Variants in BACH2 observed in about 807,000 individuals in gnomAD.
BACH2 encodes BACH transcriptional regulator 2, also known as transcription regulator protein BACH2.
In BACH2, 5 loss-of-function variants were observed where a neutral mutation model predicts 61.8. That is an observed-to-expected ratio of 0.08 (90% CI 0.04 to 0.17). The LOEUF (loss-of-function observed/expected upper bound fraction) is 0.17. Among genes scored for constraint, BACH2 ranks in the 10% least tolerant of loss-of-function variants. BACH2 has a pLI of 1.00. For synonymous variants in BACH2, 446 were observed against 440.1 expected (o/e 1.01, Z -0.17); for missense variants, 824 against 1,091.1 (o/e 0.76, Z 3.45).
intron 7 of BACH2, among the ~76,000 whole-genome samples, chr6:89,939,656 C>CTTTTT (rs71298713): frequency 1.1e-4 from 9 of 82,626 alleles, no homozygotes; most frequent in African/African-American, 2.9e-4. Context: ...GCTTATATTT[C>CTTTTT]TTTTTTTTTT....
chr6:90,014,468 ATTTTTTTTTTT>A lies in BACH2; in HGVS notation c.-12-5623_-12-5613del, dbSNP rs1164045089. 3.5e-3 allele frequency among the ~76,000 whole-genome samples: 113 copies of A among 32,258 alleles called. 1 individual carries two copies. Among genetic ancestry groups the A allele is most frequent in the Non-Finnish European group, 3.4e-3 (71 of 21,142 alleles). The allele number at this position is 32,258 out of a possible 152,430, so 21.2% of individuals were successfully genotyped here. On this transcript the variant is annotated intron_variant, in intron 5 of 8. Transcript: ENST00000257749. The stretch of plus-strand genomic sequence containing the variant: ...TATATATATATATATATATATATAT[ATTTTTTTTTTT>A]TTTTTTTTTTTTTTAGACAGATTCT...
chr6:90,156,419 T>G (rs1335053693), intron 4 of BACH2, among the ~76,000 whole-genome samples: 1 of 152,188 alleles, frequency 6.6e-6, no homozygotes, highest in African/African-American at 2.4e-5. Context: ...TGCAAGTTTT[T>G]GGGTTACAAA....
intron 5 of BACH2, among the ~76,000 whole-genome samples, chr6:90,061,791 CT>C (rs2127798807): frequency 6.6e-6 from 1 of 152,214 alleles, no homozygotes; most frequent in East Asian, 1.9e-4. Context: ...GTGCTGGAAG[CT>C]ATTGAGAAGC....
intron 2 of BACH2, among the ~76,000 whole-genome samples, chr6:90,269,566 C>T (rs555368301): frequency 3.3e-5 from 5 of 152,302 alleles, no homozygotes; most frequent in African/African-American, 1.2e-4. Flanking sequence ...TAAGGAAATC[C>T]TGGATTCCCA....
intron 4 of BACH2, among the ~76,000 whole-genome samples, chr6:90,190,296 G>C (rs1440335008): frequency 2.0e-5 from 3 of 152,160 alleles, no homozygotes; most frequent in Admixed American, 6.5e-5. Flanking sequence ...TTCCAAATAG[G>C]AAAGTGCTAT....
chr6:90,204,042 C>T (rs1769051751), intron 4 of BACH2, among the ~76,000 whole-genome samples: 1 of 152,090 alleles, frequency 6.6e-6, no homozygotes, highest in Non-Finnish European at 1.5e-5. Flanking sequence ...GGGATGGTCT[C>T]TAATGGATTC....
In BACH2 at chr6:90,185,081, G is replaced by A. The variant is rs560494536; in HGVS notation, c.-162+21488C>T. 4.6e-5 allele frequency among the ~76,000 whole-genome samples: 7 copies of A among 152,296 alleles called. No homozygotes were observed. In the South Asian group the frequency reaches 6.2e-4, roughly 14 times the overall value. On this transcript the variant is annotated intron_variant, in intron 4 of 8. Transcript: ENST00000257749. ...TTTTCCAAAACCCATGCGTGGCTGCGTATCAGGAAGACTGCTATAAACAAA... is the reference window on the plus strand; with the variant it reads ...TTTTCCAAAACCCATGCGTGGCTGCATATCAGGAAGACTGCTATAAACAAA...
At chr6:89,934,924 C>T (rs1466044298) in intron 8 of BACH2, among the ~76,000 whole-genome samples, 7 of 151,970 alleles carry the variant, frequency 4.6e-5, no homozygotes, top group Admixed American at 1.3e-4. Flanking sequence ...TGGCAGGCGG[C>T]GTGGGCATGT....
At chr6:90,206,982 C>A (rs556346850) in intron 3 of BACH2, among the ~76,000 whole-genome samples, 68 of 152,160 alleles carry the variant, frequency 4.5e-4, no homozygotes, top group African/African-American at 1.6e-3. Context: ...CAATTCCCCC[C>A]AAACAGTCCA....
intron 4 of BACH2, among the ~76,000 whole-genome samples, chr6:90,195,321 A>G (rs1028801273): frequency 6.6e-6 from 1 of 152,188 alleles, no homozygotes; most frequent in Non-Finnish European, 1.5e-5. Context: ...GAGCAAGGAG[A>G]GCGAGCAGAG....
At chr6:90,251,460 A>T (rs1489636611) in intron 3 of BACH2, among the ~76,000 whole-genome samples, 1 of 152,216 alleles carries the variant, frequency 6.6e-6, no homozygotes, top group Non-Finnish European at 1.5e-5. Flanking sequence ...TGAGAATGAT[A>T]TAGAAACATT....
chr6:90,021,808 T>G (rs1697627968), intron 5 of BACH2, among the ~76,000 whole-genome samples: 1 of 152,242 alleles, frequency 6.6e-6, no homozygotes, highest in Non-Finnish European at 1.5e-5. Context: ...ACTGCAGTGC[T>G]TGTCACTTAA....
chr6:90,124,741 T>C (rs1259130964), intron 4 of BACH2, among the ~76,000 whole-genome samples: 1 of 152,216 alleles, frequency 6.6e-6, no homozygotes, highest in Non-Finnish European at 1.5e-5. Flanking sequence ...CTAAAAATCC[T>C]TGAGAAAGTA....
At chr6:89,972,754 T>G (rs1043735871) in intron 6 of BACH2, among the ~76,000 whole-genome samples, 13 of 151,976 alleles carry the variant, frequency 8.6e-5, no homozygotes, top group Non-Finnish European at 1.8e-4. Context: ...GATCTGGCAA[T>G]GAGAAAGAGG....
intron 2 of BACH2, among the ~76,000 whole-genome samples, chr6:90,269,905 T>C (rs935805049): frequency 3.3e-5 from 5 of 152,204 alleles, no homozygotes; most frequent in African/African-American, 1.2e-4. Flanking sequence ...TGGTTTCTGG[T>C]TACATGGATA....
At chr6:90,047,458 C>T (rs1282099523) in intron 5 of BACH2, among the ~76,000 whole-genome samples, 1 of 152,144 alleles carries the variant, frequency 6.6e-6, no homozygotes, top group Non-Finnish European at 1.5e-5. Flanking sequence ...ATGCCCTACC[C>T]CACCTCGTTC....
intron 1 of BACH2, among the ~76,000 whole-genome samples, chr6:90,284,793 C>T (rs555694354): frequency 6.6e-6 from 1 of 152,104 alleles, no homozygotes; most frequent in Admixed American, 6.5e-5. Flanking sequence ...AGGGCTAAAA[C>T]CACATGTTTT....
chr6:90,295,128 C>T (rs1772299561), intron 1 of BACH2, among the ~76,000 whole-genome samples: 1 of 151,932 alleles, frequency 6.6e-6, no homozygotes. Flanking sequence ...GTCCGTCTCG[C>T]GGGTGGGGCG....
chr6:89,983,853 T>C (rs574118423), intron 6 of BACH2, among the ~76,000 whole-genome samples: 1 of 152,194 alleles, frequency 6.6e-6, no homozygotes, highest in South Asian at 2.1e-4. Context: ...AAAGAAAATG[T>C]GTTAGAGCCA....
Sources: allele counts gnomAD v4.1 joint callset (sites outside exome capture counted in the v4.1 genomes callset), GRCh38; gene constraint gnomAD v4.1.1; transcripts MANE v1.5; gene names NCBI Gene and HGNC (gene_info 2026-07-23, HGNC 2026-07-21).